APOB: variants seen among roughly 807,000 people sequenced by gnomAD.
APOB encodes apolipoprotein B.
In APOB, 153 loss-of-function variants were observed where a neutral mutation model predicts 314.1. That is an observed-to-expected ratio of 0.49 (90% CI 0.43 to 0.56). APOB has a LOEUF of 0.56. Ranked by LOEUF, APOB falls within the 20% of genes least tolerant of loss-of-function variation. The probability of loss-of-function intolerance (pLI) is 0.00; values close to 1 mark genes in which losing one functional copy is unlikely to be tolerated. For missense variants in APOB, 5,430 were observed against 5,350.7 expected, an observed-to-expected ratio of 1.01 and a Z score of -0.46; for synonymous variants, 2,087 against 2,036.4, an observed-to-expected ratio of 1.02 and a Z score of -0.67.
In APOB at chr2:21,007,779, A is replaced by C; in HGVS notation, c.9089T>G (p.Ile3030Ser). Residue 3030 changes from isoleucine to serine, a missense_variant, in exon 26 of 29, where the codon ATT becomes AGT. Ile to Ser is a moderately radical substitution (Grantham distance 142). Transcript: ENST00000233242. The part of the protein sequence containing the change: ...RHDAHLNGKV[I>S]GTLKNSLFFS... Reference sequence around the variant, plus strand: ...GAAAAGAGAATTTTTCAAAGTTCCAATAACCTTTCCATTTAAATGAGCATC... The same window carrying C: ...GAAAAGAGAATTTTTCAAAGTTCCACTAACCTTTCCATTTAAATGAGCATC... 1 of 1,614,078 alleles carries C rather than the reference A, an allele frequency of 6.2e-7. No homozygotes were observed. The highest frequency in any genetic ancestry group is 1.1e-5 in the South Asian group (1 of 91,086).
At chr2:21,019,574 G>A in intron 19 of APOB, 149 bp downstream of exon 19, 1 of 832,504 alleles carries the variant, frequency 1.2e-6, no homozygotes, top group Non-Finnish European at 2.0e-6. Context: ...GTTGGCCAGA[G>A]GACCCTGCTT....
In APOB at chr2:21,027,858, G is replaced by T; in HGVS notation, c.2037C>A (p.Ala679=). 1 of 1,614,010 alleles carries T rather than the reference G, an allele frequency of 6.2e-7. No individual in the cohort carries two copies. The highest frequency in any genetic ancestry group is 8.5e-7 in the Non-Finnish European group (1 of 1,179,902). The change falls in exon 14 of 29, where the codon GCC becomes GCA. Residue 679 remains alanine (A), a synonymous_variant. Coordinates refer to ENST00000233242, the MANE Select transcript of APOB (RefSeq NM_000384.3). ...TGAGGTCAGCTGAAGCAAATCCAAAGGCAGTGAGGGTAGTTTTCAGCATGC... is the reference window on the plus strand; with the variant it reads ...TGAGGTCAGCTGAAGCAAATCCAAATGCAGTGAGGGTAGTTTTCAGCATGC... ...KESMLKTTLT[A]FGFASADLIE... is the part of the protein sequence containing the mutation.
In APOB at chr2:21,023,524, C is replaced by T. The variant is rs775345377; in HGVS notation, c.2604+1G>A. On this transcript the variant is annotated splice_donor_variant, in intron 17 of 28. Transcript: ENST00000233242. LOFTEE classifies it high-confidence loss of function. ...AAATCAAAAGGCAAACAGAATCTTACGTTGGCTACTTCCAGTTTTACTCCA... is the reference window on the plus strand; with the variant it reads ...AAATCAAAAGGCAAACAGAATCTTATGTTGGCTACTTCCAGTTTTACTCCA... 29 of 1,613,968 alleles carry T rather than the reference C, an allele frequency of 1.8e-5. No homozygotes were observed. Among genetic ancestry groups the T allele is most frequent in the East Asian group, 4.5e-5 (2 of 44,888 alleles).
intron 28 of APOB, 74 bp from the exon 29 acceptor site, chr2:21,003,408 A>C: frequency 2.3e-6 from 3 of 1,281,716 alleles, no homozygotes; most frequent in Non-Finnish European, 2.2e-6. Context: ...CTAAAACTTC[A>C]TTAGCAGTTA....
At position 21,007,408 on chromosome 2, in the gene APOB, C is replaced by T; in HGVS notation, c.9460G>A (p.Glu3154Lys). 6.2e-7 allele frequency: 1 copy of T among 1,613,868 alleles called. No individual in the cohort carries two copies. The highest frequency in any genetic ancestry group is 2.2e-5 in the East Asian group (1 of 44,856). Reference sequence around the variant, plus strand: ...AAGAATTCCTTCAAGCCTGTTTTTTCCCATAGAGAGAAATCTTTCAGTGGA... The same window carrying T: ...AAGAATTCCTTCAAGCCTGTTTTTTTCCATAGAGAGAAATCTTTCAGTGGA... ...TPPLKDFSLW[E>K]KTGLKEFLKT... The change falls in exon 26 of 29, where the codon GAA becomes AAA. Residue 3154 changes from glutamate (E) to lysine (K), a missense_variant. Coordinates refer to ENST00000233242, the MANE Select transcript of APOB (RefSeq NM_000384.3).
chr2:21,039,508 C>T (rs12720795), intron 4 of APOB, among the ~76,000 whole-genome samples: 139 of 152,260 alleles, frequency 9.1e-4, no homozygotes, highest in Non-Finnish European at 1.6e-3. Context: ...GAAAAGGTGA[C>T]GGACTTATCT....
rs1663265477 is a variant in APOB, at chr2:21,010,135, T to C, written c.6733A>G (p.Thr2245Ala). The change falls in exon 26 of 29, where the codon ACT (threonine) becomes GCT (alanine). Residue 2245 changes from threonine (T) to alanine (A), a missense_variant. Thr to Ala is a moderately conservative substitution (Grantham distance 58). Around this residue, in one of 3 missense-constraint regions of APOB, gnomAD observed 3,281 missense variants for 3,171.0 expected, o/e 1.03. Transcript: ENST00000233242. ...NIDFNKSGSS[T>A]ASWIQNVDTK... is the part of the protein sequence containing the mutation. The stretch of plus-strand genomic sequence containing the variant: ...TCCACATTTTGAATCCAGGATGCAG[T>C]ACTACTTCCACTTTTGTTAAAATCA... 5 of 1,608,790 alleles carry C rather than the reference T, an allele frequency of 3.1e-6. No individual in the cohort carries two copies. The highest frequency in any genetic ancestry group is 4.2e-6 in the Non-Finnish European group (5 of 1,176,636).
intron 20 of APOB, among the ~76,000 whole-genome samples, chr2:21,016,986 AAAAT>A (rs60811793): frequency 0.014 from 1,707 of 120,314 alleles, 43 homozygotes; most frequent in African/African-American, 0.046. Context: ...TCCATCTCAA[AAAAT>A]AAATAAATAA....
At chr2:21,037,030 A>C (rs780016817) in intron 6 of APOB, 70 bp downstream of exon 6, 34 of 1,602,100 alleles carry the variant, frequency 2.1e-5, no homozygotes, top group Non-Finnish European at 2.8e-5. Context: ...CCACTAGCTC[A>C]AAAGTTCTGG....
intron 18 of APOB, among the ~76,000 whole-genome samples, chr2:21,020,233 C>T (rs1454499056): frequency 6.6e-6 from 1 of 152,184 alleles, no homozygotes; most frequent in Non-Finnish European, 1.5e-5. Context: ...CAGTGTGCCC[C>T]TTCCTTCCTA....
Position 21,002,918 on chromosome 2 carries a change from C to G in APOB, c.12504G>C (p.Lys4168Asn), listed in dbSNP as rs1663029330. ...GTACCAAGCCATCAAACACGTTATC[C>G]TTGAGTCCCTGGAAACTGGCTTGGC... is the stretch of plus-strand genomic sequence containing the variant. ...QEGQASFQGL[K>N]DNVFDGLVRV... Residue 4168 changes from lysine to asparagine, a missense_variant, in exon 29 of 29, where the codon AAG (lysine) becomes AAC (asparagine). Transcript: ENST00000233242. The G allele has an allele frequency of 1.9e-6, 3 of 1,613,530 alleles. No homozygotes were observed. Among genetic ancestry groups the G allele is most frequent in the Non-Finnish European group, 2.5e-6 (3 of 1,179,746 alleles).
intron 8 of APOB, among the ~76,000 whole-genome samples, chr2:21,034,244 C>T (rs1663949585): frequency 1.3e-5 from 2 of 152,346 alleles, no homozygotes; most frequent in African/African-American, 4.8e-5. Flanking sequence ...TTGACTACAT[C>T]AAACTCTAAG....
intron 2 of APOB, 87 bp from the exon 3 acceptor site, chr2:21,042,563 A>G: frequency 1.1e-6 from 1 of 917,836 alleles, no homozygotes; most frequent in South Asian, 1.3e-5. Context: ...GCAGTGGCAT[A>G]GAGAATTAAA....
rs181340304 is a variant in APOB at position 21,002,615 on chromosome 2, A to G, written c.12807T>C (p.Tyr4269=). The part of the protein sequence containing the change: ...KHKLIDVISM[Y]RELLKDLSKE... ...TTGATAAATCTTTCAACAGTTCCCT[A>G]TACATCGAGATTACATCTATTAGTT... The change falls in exon 29 of 29, where the codon TAT becomes TAC. Residue 4269 remains tyrosine (Y), a synonymous_variant. Coordinates refer to ENST00000233242, the MANE Select transcript of APOB (RefSeq NM_000384.3). 696 of 1,614,080 alleles carry G rather than the reference A, an allele frequency of 4.3e-4. 5 individuals carry two copies. Among genetic ancestry groups the G allele is most frequent in the Non-Finnish European group, 7.6e-5 (90 of 1,179,966 alleles).
chr2:21,008,994 C>T lies in APOB; in HGVS notation c.7874G>A (p.Arg2625Lys). The T allele has an allele frequency of 6.2e-7, 1 of 1,613,900 alleles. No individual in the cohort carries two copies. Among genetic ancestry groups the T allele is most frequent in the African/African-American group, 1.3e-5 (1 of 74,980 alleles). Reference protein sequence around the residue: ...PDFIVPLTDLRIPSVQINFKD... With the variant: ...PDFIVPLTDLKIPSVQINFKD... ...GAAGTTTATCTGAACTGATGGAATC[C>T]TCAAATCTGTTAGGGGGACTATAAA... The change falls in exon 26 of 29, where the codon AGG becomes AAG. Residue 2625 changes from arginine (R) to lysine (K), a missense_variant. Transcript: ENST00000233242.
chr2:21,007,691 A>G lies in APOB; in HGVS notation c.9177T>C (p.Arg3059=). 6.2e-7 allele frequency: 1 copy of G among 1,614,088 alleles called. No individual in the cohort carries two copies. The highest frequency in any genetic ancestry group is 8.5e-7 in the Non-Finnish European group (1 of 1,179,952). The stretch of plus-strand genomic sequence containing the variant: ...TCTTCCCTGTTAACCTTAATGGAAA[A>G]CGAACTTTCAAATTCCCTTCATTGT... ...STNNEGNLKV[R]FPLRLTGKID... is the part of the protein sequence containing the mutation. The change falls in exon 26 of 29, where the codon CGT becomes CGC. Residue 3059 remains arginine (R), a synonymous_variant. Transcript: ENST00000233242.
chr2:21,008,700 A>C lies in APOB; in HGVS notation c.8168T>G (p.Ile2723Ser). Residue 2723 changes from isoleucine to serine, a missense_variant, in exon 26 of 29, where the codon ATC becomes AGC. Around this residue, in one of 3 missense-constraint regions of APOB, gnomAD observed 3,281 missense variants for 3,171.0 expected, o/e 1.03. Transcript: ENST00000233242. ...LPEIAIPEFI[I>S]PTLNLNDFQV... is the part of the protein sequence containing the mutation. ...AAAATCATTAAGGTTGAGAGTTGGG[A>C]TTATGAATTCTGGAATTGCGATTTC... 6.2e-7 allele frequency: 1 copy of C among 1,614,068 alleles called. No homozygotes were observed.
At chr2:21,038,942 A>G (rs1178811831) in intron 4 of APOB, among the ~76,000 whole-genome samples, 3 of 152,254 alleles carry the variant, frequency 2.0e-5, no homozygotes, top group South Asian at 2.1e-4. Context: ...TAAAAGCTGC[A>G]TGCAGAACAT....
At chr2:21,031,852 A>C (rs12720805) in intron 10 of APOB, among the ~76,000 whole-genome samples, 4,785 of 152,038 alleles carry the variant, frequency 0.031, 218 homozygotes, top group African/African-American at 0.11. Flanking sequence ...CATCTCAAAA[A>C]AACAACAACA....
Sources: allele counts gnomAD v4.1 joint callset (sites outside exome capture counted in the v4.1 genomes callset), GRCh38; gene constraint gnomAD v4.1.1; regional missense constraint gnomAD v4.1.1; transcripts MANE v1.5; gene names NCBI Gene and HGNC (gene_info 2026-07-23, HGNC 2026-07-21).